SLC38A12: variants seen among roughly 807,000 people sequenced by gnomAD.
The protein encoded by SLC38A12 is putative sodium-coupled neutral amino acid transporter 12.
At chr17:74,819,890 C>A in the SLC38A12 span, 2 of 1,543,988 alleles carry the variant, frequency 1.3e-6, no homozygotes, top group African/African-American at 1.4e-5. Context: ...TCCTCTCGTC[C>A]CTTCCCTCTC....
chr17:74,785,626 C>T, the SLC38A12 span: 1 of 1,609,936 alleles, frequency 6.2e-7, no homozygotes, highest in Non-Finnish European at 8.5e-7. Context: ...GGGGACTTCC[C>T]CACAGGGGCC....
chr17:74,834,981 G>A, the SLC38A12 span, among the ~76,000 whole-genome samples: 3 of 152,346 alleles, frequency 2.0e-5, no homozygotes, highest in East Asian at 3.9e-4. Flanking sequence ...TTGTCCCTGC[G>A]GTGCGCAGGC....
At chr17:74,784,839 G>T in the SLC38A12 span, among the ~76,000 whole-genome samples, 15 of 152,048 alleles carry the variant, frequency 9.9e-5, no homozygotes, top group Non-Finnish European at 1.5e-4. Flanking sequence ...CTTTTTGGGG[G>T]GTGATAAAAT....
the SLC38A12 span, among the ~76,000 whole-genome samples, chr17:74,801,371 A>T: frequency 6.6e-6 from 1 of 151,996 alleles, no homozygotes; most frequent in Admixed American, 6.6e-5. Context: ...CAGGAGCTGG[A>T]CTCGGTGAGG....
At chr17:74,779,093 A>G in the SLC38A12 span, among the ~76,000 whole-genome samples, 1 of 152,196 alleles carries the variant, frequency 6.6e-6, no homozygotes, top group Non-Finnish European at 1.5e-5. Context: ...CTATTAATGT[A>G]AAAGTCACCA....
At chr17:74,777,157 T>C in the SLC38A12 span, 1 of 714,992 alleles carries the variant, frequency 1.4e-6, no homozygotes, top group Middle Eastern at 3.7e-4. Flanking sequence ...ACTGAGGCCC[T>C]AAGTGTCTGT....
At chr17:74,787,553 C>T in the SLC38A12 span, among the ~76,000 whole-genome samples, 47 of 150,374 alleles carry the variant, frequency 3.1e-4, no homozygotes, top group Non-Finnish European at 5.2e-4. Flanking sequence ...ACCCGGGAAG[C>T]GGAGCTTGCA....
the SLC38A12 span, chr17:74,837,976 G>A: frequency 6.1e-6 from 6 of 985,818 alleles, no homozygotes; most frequent in Non-Finnish European, 7.2e-6. Context: ...CCTCTTTTGA[G>A]TTCAGTGCCT....
chr17:74,777,255 T>C, the SLC38A12 span: 1 of 1,563,364 alleles, frequency 6.4e-7, no homozygotes, highest in Admixed American at 1.7e-5. Flanking sequence ...CCTGCTCTTT[T>C]GTTTTAAGGA....
At chr17:74,779,516 CCTT>C in the SLC38A12 span, among the ~76,000 whole-genome samples, 1 of 152,084 alleles carries the variant, frequency 6.6e-6, no homozygotes. Context: ...GGAGAAGACA[CCTT>C]CTTCCTAAGG....
the SLC38A12 span, among the ~76,000 whole-genome samples, chr17:74,824,865 G>A: frequency 4.6e-5 from 7 of 152,260 alleles, no homozygotes; most frequent in South Asian, 2.1e-4. Flanking sequence ...TTTCCAAGCC[G>A]ACAGGGAGAG....
the SLC38A12 span, chr17:74,790,872 G>A: frequency 1.6e-6 from 2 of 1,253,554 alleles, no homozygotes; most frequent in African/African-American, 3.0e-5. Flanking sequence ...TCATGGTTTA[G>A]ATAATTCAGT....
chr17:74,790,291 CTG>C, the SLC38A12 span: 1 of 1,613,996 alleles, frequency 6.2e-7, no homozygotes, highest in Non-Finnish European at 8.5e-7. Context: ...CCCATCCTGT[CTG>C]TGCGTAAGTC....
the SLC38A12 span, chr17:74,777,300 C>T: frequency 6.2e-7 from 1 of 1,614,102 alleles, no homozygotes; most frequent in Non-Finnish European, 8.5e-7. Flanking sequence ...CCTAAGGAAC[C>T]TCTGCTGCCA....
chr17:74,835,151 C>T, the SLC38A12 span, among the ~76,000 whole-genome samples: 2 of 152,220 alleles, frequency 1.3e-5, no homozygotes, highest in Middle Eastern at 3.2e-3. Flanking sequence ...AGGCCCCCTT[C>T]CACTTCCACA....
At chr17:74,836,258 C>G in the SLC38A12 span, 1 of 1,611,664 alleles carries the variant, frequency 6.2e-7, no homozygotes, top group South Asian at 1.1e-5. The surrounding 1 kb of genome is among the most constrained non-coding windows in gnomAD (Gnocchi z 4.2). Flanking sequence ...CCGCTGTGCG[C>G]TTTTTCCTGG....
the SLC38A12 span, among the ~76,000 whole-genome samples, chr17:74,798,621 C>T: frequency 2.0e-5 from 3 of 152,222 alleles, no homozygotes; most frequent in African/African-American, 7.2e-5. Flanking sequence ...TCAGTGGGCT[C>T]TCTGGGGTGT....
At chr17:74,804,677 A>G in the SLC38A12 span, among the ~76,000 whole-genome samples, 2 of 152,220 alleles carry the variant, frequency 1.3e-5, no homozygotes, top group African/African-American at 4.8e-5. Flanking sequence ...ACCGCAGGGC[A>G]TGTGTAGTTT....
At chr17:74,790,222 C>G in the SLC38A12 span, 3 of 1,614,112 alleles carry the variant, frequency 1.9e-6, no homozygotes, top group Non-Finnish European at 2.5e-6. Flanking sequence ...GACGACTCCT[C>G]CACAGCCTCA....
Sources: gnomAD v4.1 joint callset for allele counts (sites outside exome capture counted in the v4.1 genomes callset) on GRCh38, gnomAD v4.1.1 for gene constraint, Gnocchi (gnomAD v3.1) non-coding constraint, MANE v1.5 for transcripts, NCBI Gene and HGNC (gene_info 2026-07-23, HGNC 2026-07-21) for gene names.